The following OPN4 variants were observed in gnomAD, a reference collection of about 807,000 sequenced individuals.
The protein encoded by OPN4 is melanopsin.
A neutral mutation model predicts 49.5 loss-of-function variants in OPN4; 43 were observed. The observed-to-expected ratio is 0.87, with a 90% CI of 0.68 to 1.12. OPN4 has a LOEUF of 1.12. Among genes scored for constraint, OPN4 ranks in the 50% most tolerant of loss-of-function variants. The pLI is 0.00. For missense variants in OPN4, 657 were observed against 643.9 expected, an observed-to-expected ratio of 1.02 and a Z score of -0.22; for synonymous variants, 263 against 258.0, an observed-to-expected ratio of 1.02 and a Z score of -0.19.
chr10:86,658,514 TC>T lies in OPN4; in HGVS notation c.456del (p.Phe153LeufsTer6). Reference sequence around the variant, plus strand: ...GAGTTCTATGCCTTCTGTGGAGCTCTCTTTGGCATTTCCTCCATGATCACCC... The same window carrying T: ...GAGTTCTATGCCTTCTGTGGAGCTCTTTTGGCATTTCCTCCATGATCACCC... The part of the protein sequence containing the change: ...GCEFYAFCGA[L>X]FGISSMITLT... On this transcript the variant is annotated frameshift_variant, in exon 4 of 10. Transcript: ENST00000241891. LOFTEE classifies it high-confidence loss of function. 6.2e-7 allele frequency: 1 copy of T among 1,614,224 alleles called. No homozygotes were observed. Among genetic ancestry groups the T allele is most frequent in the African/African-American group, 1.3e-5 (1 of 75,064 alleles).
chr10:86,658,551 C>G lies in OPN4; in HGVS notation c.492C>G (p.Ile164Met). 1 of 1,614,226 alleles carries G rather than the reference C, an allele frequency of 6.2e-7. No homozygotes were observed. The highest frequency in any genetic ancestry group is 8.5e-7 in the Non-Finnish European group (1 of 1,180,034). ...GISSMITLTA[I>M]ALDRYLVITR... is the part of the protein sequence containing the mutation. ...CCTCCATGATCACCCTGACGGCCATCGCCCTGGACCGCTACCTGGTAATCA... is the reference window on the plus strand; with the variant it reads ...CCTCCATGATCACCCTGACGGCCATGGCCCTGGACCGCTACCTGGTAATCA... The change falls in exon 4 of 10, where the codon ATC (isoleucine) becomes ATG (methionine). Residue 164 changes from isoleucine (I) to methionine (M), a missense_variant. Coordinates refer to ENST00000241891, the MANE Select transcript of OPN4 (RefSeq NM_033282.4).
In OPN4 at chr10:86,659,896, G is replaced by T; in HGVS notation, c.802G>T (p.Ala268Ser). The T allele has an allele frequency of 1.2e-6, 2 of 1,614,128 alleles. No individual in the cohort carries two copies. The highest frequency in any genetic ancestry group is 1.7e-6 in the Non-Finnish European group (2 of 1,180,018). Residue 268 changes from alanine (A) to serine (S), a missense_variant and splice_region_variant, in exon 6 of 10, where the codon GCT becomes TCT. Coordinates refer to ENST00000241891, the MANE Select transcript of OPN4 (RefSeq NM_033282.4). ...ACCTGGACGATGCGTCCTTCCTAGGGCTCTCCAGACCTTCGGGGCCTGCAA... is the reference window on the plus strand; with the variant it reads ...ACCTGGACGATGCGTCCTTCCTAGGTCTCTCCAGACCTTCGGGGCCTGCAA... ...IFRAIRETGRALQTFGACKGN... is the reference protein window; with the variant it reads ...IFRAIRETGRSLQTFGACKGN...
In OPN4 at chr10:86,661,308, G is replaced by A. The variant is rs1300862171; in HGVS notation, c.993G>A (p.Met331Ile). Residue 331 changes from methionine to isoleucine, a missense_variant, in exon 7 of 10, where the codon ATG becomes ATA. Met to Ile is a conservative substitution (Grantham distance 10). Transcript: ENST00000241891. ...ACGCACACGTCCTGACACCCTACAT[G>A]AGCTCGGTGCCAGCCGTCATCGCCA... The part of the protein sequence containing the change: ...AGYAHVLTPY[M>I]SSVPAVIAKA... 2.5e-6 allele frequency: 4 copies of A among 1,614,030 alleles called. No individual in the cohort carries two copies. The East Asian group carries it at 6.7e-5, about 27-fold the overall frequency.
At position 86,659,404 on chromosome 10, in the gene OPN4, C is replaced by G. The variant is rs764699880; in HGVS notation, c.736C>G (p.Leu246Val). 8.1e-6 allele frequency: 13 copies of G among 1,614,174 alleles called. No individual in the cohort carries two copies. Among genetic ancestry groups the G allele is most frequent in the Non-Finnish European group, 1.1e-5 (13 of 1,180,030 alleles). Reference protein sequence around the residue: ...TMLLCCFVFFLPLLIIIYCYI... With the variant: ...TMLLCCFVFFVPLLIIIYCYI... ...GCTTCTCTGCTGCTTCGTGTTCTTC[C>G]TCCCTCTGCTTATCATCATCTACTG... The change falls in exon 5 of 10, where the codon CTC becomes GTC. Residue 246 changes from leucine (L) to valine (V), a missense_variant. Coordinates refer to ENST00000241891, the MANE Select transcript of OPN4 (RefSeq NM_033282.4).
In OPN4 at chr10:86,654,939, C is replaced by T. The variant is rs762375543; in HGVS notation, c.144+12C>T. 3.7e-6 allele frequency: 6 copies of T among 1,612,662 alleles called. No homozygotes were observed. The South Asian group carries it at 4.4e-5, about 12-fold the overall frequency. Reference sequence around the variant, plus strand: ...CCATCAGTCCCACAGTAAGCCTGGGCGAGCATGTGCATGCACAGAGCCTTC... The same window carrying T: ...CCATCAGTCCCACAGTAAGCCTGGGTGAGCATGTGCATGCACAGAGCCTTC... On this transcript the variant is annotated intron_variant, in intron 1 of 9. Transcript: ENST00000241891.
intron 5 of OPN4, 53 bp downstream of exon 5, chr10:86,659,521 A>G (rs1589588281): frequency 6.3e-7 from 1 of 1,579,590 alleles, no homozygotes; most frequent in East Asian, 2.3e-5. Context: ...CCCCTCGGCC[A>G]GGCGGCCCCT....
intron 5 of OPN4, 131 bp from the exon 6 acceptor site, chr10:86,659,764 G>A: frequency 3.1e-6 from 3 of 976,354 alleles, no homozygotes; most frequent in Non-Finnish European, 4.6e-6. Context: ...AGGGCTGCCT[G>A]CACTGGAAGG....
Position 86,659,305 on chromosome 10 carries a change from G to A in OPN4, c.637G>A (p.Val213Met), listed in dbSNP as rs202171086. 88 of 1,611,914 alleles carry A rather than the reference G, an allele frequency of 5.5e-5. No individual in the cohort carries two copies. The East Asian group carries it at 1.6e-3, about 29-fold the overall frequency. Residue 213 changes from valine (V) to methionine (M), a missense_variant, in exon 5 of 10, where the codon GTG becomes ATG. Transcript: ENST00000241891. ...LPPFFGWSAY[V>M]PEGLLTSCSW... ...CCTGCCCTGGCTCCCAGGCGCCTACGTGCCCGAGGGGTTGCTGACATCCTG... is the reference window on the plus strand; with the variant it reads ...CCTGCCCTGGCTCCCAGGCGCCTACATGCCCGAGGGGTTGCTGACATCCTG...
At chr10:86,659,551 CA>C in intron 5 of OPN4, 83 bp downstream of exon 5, 1 of 1,518,862 alleles carries the variant, frequency 6.6e-7, no homozygotes, top group East Asian at 2.4e-5. Context: ...CTCACACCTG[CA>C]CCAGCCTACC....
Position 86,655,232 on chromosome 10 carries a change from G to A in OPN4, c.144+305G>A, listed in dbSNP as rs34019473. Among the ~76,000 whole-genome samples, 1,148 of 152,260 alleles carry A rather than the reference G, an allele frequency of 7.5e-3. 15 individuals are homozygous for A. Among genetic ancestry groups the A allele is most frequent in the African/African-American group, 0.026 (1,087 of 41,558 alleles). On this transcript the variant is annotated intron_variant, in intron 1 of 9. Transcript: ENST00000241891. The stretch of plus-strand genomic sequence containing the variant: ...CATTCCTTTCAGAGGTTGCTCGGAT[G>A]CCCCATGGAGCCCTCCAGGGAGGAG...
In OPN4 at chr10:86,658,615, C is replaced by T. The variant is rs775935528; in HGVS notation, c.556C>T (p.Arg186Cys). 12 of 1,614,050 alleles carry T rather than the reference C, an allele frequency of 7.4e-6. No individual in the cohort carries two copies. The highest frequency in any genetic ancestry group is 4.5e-5 in the East Asian group (2 of 44,900). Reference sequence around the variant, plus strand: ...CACCTTTGGTGTGGCGTCCAAGAGGCGTGCGGCATTTGTCCTGCTGGGCGT... The same window carrying T: ...CACCTTTGGTGTGGCGTCCAAGAGGTGTGCGGCATTTGTCCTGCTGGGCGT... The part of the protein sequence containing the change: ...LATFGVASKR[R>C]AAFVLLGVWL... The change falls in exon 4 of 10, where the codon CGT (arginine) becomes TGT (cysteine). Residue 186 changes from arginine to cysteine, a missense_variant. Physicochemically the swap from Arg to Cys is radical, Grantham distance 180 (BLOSUM62 -3). Transcript: ENST00000241891.
intron 6 of OPN4, among the ~76,000 whole-genome samples, 161 bp downstream of exon 6, chr10:86,660,220 CG>C (rs1334517661): frequency 2.6e-5 from 4 of 152,220 alleles, no homozygotes; most frequent in African/African-American, 9.6e-5. Context: ...TGCCCAGCCC[CG>C]GGGTGGGTGG....
intron 8 of OPN4, among the ~76,000 whole-genome samples, chr10:86,663,376 G>A (rs1018457213): frequency 1.3e-5 from 2 of 152,174 alleles, no homozygotes; most frequent in Non-Finnish European, 2.9e-5. Flanking sequence ...CTAGACCCTC[G>A]TGAAGACCAC....
rs1178827221 is a variant in OPN4 at position 86,658,474 on chromosome 10, G to A, written c.425-10G>A. The A allele has an allele frequency of 2.5e-6, 4 of 1,613,778 alleles. No individual in the cohort carries two copies. The highest frequency in any genetic ancestry group is 1.3e-5 in the African/African-American group (1 of 74,932). ...CTCCCCAGGACTCAGAGCAGGGGCT[G>A]TGCCCACAGGCTGCGAGTTCTATGC... On this transcript the variant is annotated splice_polypyrimidine_tract_variant and intron_variant, in intron 3 of 9. Transcript: ENST00000241891.
At position 86,654,738 on chromosome 10, in the gene OPN4, C is replaced by T. The variant is rs1843824182; in HGVS notation, c.-46C>T. On this transcript the variant is annotated 5_prime_UTR_variant, in exon 1 of 10. Transcript: ENST00000241891. ...CAGCTGAAGTCCTGAGCTCCCTGTG[C>T]CCTTGACTTCTCTGTGGGCTCGAGC... 6.3e-7 allele frequency: 1 copy of T among 1,581,596 alleles called. No homozygotes were observed. The highest frequency in any genetic ancestry group is 1.7e-5 in the Admixed American group (1 of 58,448).
At position 86,663,715 on chromosome 10, in the gene OPN4, G is replaced by A; in HGVS notation, c.1311G>A (p.Gly437=). The A allele has an allele frequency of 6.3e-7, 1 of 1,579,222 alleles. No individual in the cohort carries two copies. The highest frequency in any genetic ancestry group is 2.3e-5 in the East Asian group (1 of 43,444). ...GGGGAGCTGCCCAGCAAGCAAATGG[G>A]CGGTCCCTCTACGGTCAGGGTCTGG... ...AVWGAAQQAN[G]RSLYGQGLED... is the part of the protein sequence containing the mutation. The change falls in exon 9 of 10, where the codon GGG becomes GGA. Residue 437 remains glycine, a synonymous_variant. Transcript: ENST00000241891.
At chr10:86,655,066 C>T in intron 1 of OPN4, 139 bp downstream of exon 1, 1 of 815,678 alleles carries the variant, frequency 1.2e-6, no homozygotes, top group Non-Finnish European at 1.9e-6. Context: ...ATTACTGGAC[C>T]TCTCTGAGCC....
rs368062538 is a variant in OPN4 at position 86,658,639 on chromosome 10, G to A, written c.580G>A (p.Val194Ile). 4.0e-5 allele frequency: 65 copies of A among 1,614,000 alleles called. No individual in the cohort carries two copies. Among genetic ancestry groups the A allele is most frequent in the Admixed American group, 3.3e-4 (20 of 60,036 alleles). The change falls in exon 4 of 10, where the codon GTT becomes ATT. Residue 194 changes from valine (V) to isoleucine (I), a missense_variant. Coordinates refer to ENST00000241891, the MANE Select transcript of OPN4 (RefSeq NM_033282.4). ...GCGTGCGGCATTTGTCCTGCTGGGC[G>A]TTTGGCTCTATGCCCTGGCCTGGAG... ...KRRAAFVLLGVWLYALAWSLP... is the reference protein window; with the variant it reads ...KRRAAFVLLGIWLYALAWSLP...
rs926293228 is a variant in OPN4, at chr10:86,662,419, C to G, written c.1241C>G (p.Ser414Trp). 1 of 1,550,962 alleles carries G rather than the reference C, an allele frequency of 6.4e-7. No homozygotes were observed. Among genetic ancestry groups the G allele is most frequent in the South Asian group, 1.2e-5 (1 of 84,254 alleles). Residue 414 changes from serine (S) to tryptophan (W), a missense_variant, in exon 8 of 10, where the codon TCG becomes TGG. Transcript: ENST00000241891. ...SIRRRQESLG[S>W]ESEVGWTHME... ...CGGAGGCGCCAGGAGTCCCTGGGCTCGGAGAGTGAGGTGGTAAGGATGCTG... is the reference window on the plus strand; with the variant it reads ...CGGAGGCGCCAGGAGTCCCTGGGCTGGGAGAGTGAGGTGGTAAGGATGCTG...
Sources: allele counts gnomAD v4.1 joint callset (sites outside exome capture counted in the v4.1 genomes callset), GRCh38; gene constraint gnomAD v4.1.1; transcripts MANE v1.5; gene names NCBI Gene and HGNC (gene_info 2026-07-23, HGNC 2026-07-21).